The following SLIT3 variants were observed in gnomAD, a reference collection of about 807,000 sequenced individuals.
SLIT3 encodes slit homolog 3 protein.
A neutral mutation model predicts 184.0 loss-of-function variants in SLIT3; 68 were observed. That is an observed-to-expected ratio of 0.37 (90% CI 0.30 to 0.45). The LOEUF (loss-of-function observed/expected upper bound fraction) is 0.45, where lower values mean the gene tolerates loss of function less well. Ranked by LOEUF, SLIT3 falls within the 20% of genes least tolerant of loss-of-function variation. The probability of loss-of-function intolerance (pLI) is 1.00; values close to 1 mark genes in which losing one functional copy is unlikely to be tolerated. For missense variants in SLIT3, 1,707 were observed against 2,026.0 expected, an observed-to-expected ratio of 0.84 and a Z score of 3.02; for synonymous variants, 831 against 828.6, an observed-to-expected ratio of 1.00 and a Z score of -0.05.
At chr5:169,001,110 C>A (rs1387223537) in intron 4 of SLIT3, among the ~76,000 whole-genome samples, 1 of 152,182 alleles carries the variant, frequency 6.6e-6, no homozygotes, top group Non-Finnish European at 1.5e-5. Context: ...CATTTCAAAC[C>A]ACTTTCACAT....
At chr5:168,681,345 C>T (rs1294611468) in intron 32 of SLIT3, among the ~76,000 whole-genome samples, 3 of 152,064 alleles carry the variant, frequency 2.0e-5, no homozygotes, top group Non-Finnish European at 4.4e-5. Context: ...AAACATGGGG[C>T]CTGGTAGATG....
intron 4 of SLIT3, among the ~76,000 whole-genome samples, chr5:169,161,957 T>C (rs1365558513): frequency 6.6e-6 from 1 of 152,198 alleles, no homozygotes; most frequent in Non-Finnish European, 1.5e-5. Context: ...AGAATTAAGT[T>C]CATGTTTGTA....
At chr5:169,099,268 C>T (rs1024436634) in intron 4 of SLIT3, among the ~76,000 whole-genome samples, 3 of 152,062 alleles carry the variant, frequency 2.0e-5, no homozygotes, top group Non-Finnish European at 2.9e-5. Context: ...CACAGAAGCC[C>T]CCAAGACAGT....
chr5:168,669,330 G>T (rs1761158488), intron 35 of SLIT3, among the ~76,000 whole-genome samples: 1 of 152,206 alleles, frequency 6.6e-6, no homozygotes, highest in Non-Finnish European at 1.5e-5. Context: ...CCCTCAAAGA[G>T]CCTGTGTAGT....
At chr5:169,225,567 A>G (rs1366043598) in intron 3 of SLIT3, among the ~76,000 whole-genome samples, 1 of 152,212 alleles carries the variant, frequency 6.6e-6, no homozygotes, top group Non-Finnish European at 1.5e-5. Flanking sequence ...AGAGAGAGAG[A>G]TGCCAAGCCA....
At chr5:168,807,908 T>C (rs1440315145) in intron 8 of SLIT3, among the ~76,000 whole-genome samples, 1 of 152,120 alleles carries the variant, frequency 6.6e-6, no homozygotes, top group African/African-American at 2.4e-5. Context: ...CGTTCAATAG[T>C]CCTCGTGGCC....
intron 4 of SLIT3, among the ~76,000 whole-genome samples, chr5:168,935,359 C>T (rs1019743320): frequency 6.6e-6 from 1 of 152,104 alleles, no homozygotes; most frequent in East Asian, 1.9e-4. Context: ...TGGCCACACC[C>T]CCTCCAGGAA....
intron 1 of SLIT3, among the ~76,000 whole-genome samples, chr5:169,269,951 G>A (rs1373623698): frequency 1.3e-5 from 2 of 152,202 alleles, no homozygotes; most frequent in South Asian, 2.1e-4. Flanking sequence ...CTTAAGGGGA[G>A]GGAAATCTGT....
At chr5:169,010,395 G>C (rs1030778772) in intron 4 of SLIT3, among the ~76,000 whole-genome samples, 3 of 152,168 alleles carry the variant, frequency 2.0e-5, no homozygotes, top group Non-Finnish European at 4.4e-5. Context: ...TTTGACCATG[G>C]TTTCCTGGAT....
chr5:169,133,688 G>A (rs1761388969), intron 4 of SLIT3, among the ~76,000 whole-genome samples: 1 of 152,188 alleles, frequency 6.6e-6, no homozygotes, highest in South Asian at 2.1e-4. Context: ...CAACTTGCAG[G>A]CAACATGGCT....
intron 7 of SLIT3, among the ~76,000 whole-genome samples, chr5:168,817,755 G>A (rs1210738951): frequency 6.6e-6 from 1 of 152,168 alleles, no homozygotes; most frequent in Non-Finnish European, 1.5e-5. Flanking sequence ...TGAGAAAAGG[G>A]GAGTGACATT....
chr5:168,682,432 G>A (rs1245681441), intron 32 of SLIT3, among the ~76,000 whole-genome samples: 2 of 152,216 alleles, frequency 1.3e-5, no homozygotes, highest in African/African-American at 4.8e-5. Flanking sequence ...TGAAGCACAG[G>A]TGTGTTGGGG....
Position 169,015,982 on chromosome 5 carries a change from AC to A in SLIT3, c.414-132647del, listed in dbSNP as rs1561608908. 2.3e-4 allele frequency among the ~76,000 whole-genome samples: 19 copies of A among 81,390 alleles called. 1 individual carries two copies. The East Asian group carries it at 0.012, about 52-fold the overall frequency. The allele number at this position is 81,390 out of a possible 152,430, so 53.4% of individuals were successfully genotyped here. ...CACACACACACACACACACACACAC[AC>A]ACAACTTTCTGTCTGCCCCCTTGCT... On this transcript the variant is annotated intron_variant, in intron 4 of 35. Transcript: ENST00000519560.
intron 4 of SLIT3, among the ~76,000 whole-genome samples, chr5:168,915,074 A>T (rs952724610): frequency 6.6e-6 from 1 of 152,190 alleles, no homozygotes; most frequent in Non-Finnish European, 1.5e-5. Flanking sequence ...GCTTTTACCA[A>T]TTCTTTATTC....
At chr5:169,033,260 C>T (rs1003172953) in intron 4 of SLIT3, among the ~76,000 whole-genome samples, 1 of 152,076 alleles carries the variant, frequency 6.6e-6, no homozygotes, top group Admixed American at 6.5e-5. Context: ...ACTCCAGGCT[C>T]GTCTATGTTG....
intron 29 of SLIT3, among the ~76,000 whole-genome samples, chr5:168,691,013 G>A (rs1761890494): frequency 6.6e-6 from 1 of 152,120 alleles, no homozygotes; most frequent in Admixed American, 6.5e-5. Flanking sequence ...TTCCTAAAGG[G>A]GTGGGGCTGC....
At chr5:168,756,579 C>T (rs1442662662) in intron 16 of SLIT3, among the ~76,000 whole-genome samples, 5 of 152,218 alleles carry the variant, frequency 3.3e-5, no homozygotes, top group Non-Finnish European at 7.3e-5. Flanking sequence ...ATTTCCACTC[C>T]CTGCCTGGTT....
intron 1 of SLIT3, among the ~76,000 whole-genome samples, chr5:169,281,214 G>A (rs961901059): frequency 5.9e-5 from 9 of 152,298 alleles, no homozygotes; most frequent in African/African-American, 9.6e-5. Context: ...GAGGCTGGGC[G>A]CAGTGGCTCA....
At chr5:169,198,530 A>C (rs188802821) in intron 3 of SLIT3, among the ~76,000 whole-genome samples, 14 of 152,308 alleles carry the variant, frequency 9.2e-5, no homozygotes, top group Non-Finnish European at 1.9e-4. Flanking sequence ...TCATACCACA[A>C]AGGGCCTTTT....
Sources: allele counts gnomAD v4.1 joint callset (sites outside exome capture counted in the v4.1 genomes callset), GRCh38; gene constraint gnomAD v4.1.1; transcripts MANE v1.5; gene names NCBI Gene and HGNC (gene_info 2026-07-23, HGNC 2026-07-21).